ZCWPW2: variants seen among roughly 807,000 people sequenced by gnomAD.
ZCWPW2 encodes the protein zinc finger CW-type PWWP domain protein 2.
A neutral mutation model predicts 46.6 loss-of-function variants in ZCWPW2; 45 were observed. The ratio of observed to expected loss-of-function variants is 0.96; its 90% CI spans 0.76 to 1.24. The LOEUF (loss-of-function observed/expected upper bound fraction) is 1.24. Among genes scored for constraint, ZCWPW2 ranks in the 50% most tolerant of loss-of-function variants. ZCWPW2 has a pLI of 0.00. For missense variants in ZCWPW2, 429 were observed against 403.9 expected (o/e 1.06, Z -0.53); for synonymous variants, 152 against 137.1 (o/e 1.11, Z -0.76).
chr3:28,524,530 T>C lies in ZCWPW2; in HGVS notation c.913T>C (p.Ser305Pro). 2 of 1,601,312 alleles carry C rather than the reference T, an allele frequency of 1.2e-6. No homozygotes were observed. The highest frequency in any genetic ancestry group is 1.7e-6 in the Non-Finnish European group (2 of 1,175,584). ...GEEINMGEKL[S>P]KCSPEAPAGS... is the part of the protein sequence containing the mutation. ...TAATTATATGGTTGTTTTGCAGTTA[T>C]CTAAATGCAGCCCAGAAGCTCCTGC... Residue 305 changes from serine (S) to proline (P), a missense_variant, in exon 10 of 10, where the codon TCT (serine) becomes CCT (proline). Physicochemically the swap from Ser to Pro is moderately conservative, Grantham distance 74 (BLOSUM62 -1). Coordinates refer to ENST00000383768, the MANE Select transcript of ZCWPW2 (RefSeq NM_001040432.4).
At chr3:28,447,857 C>A in intron 4 of ZCWPW2, 1 of 1,034,424 alleles carries the variant, frequency 9.7e-7, no homozygotes, top group Non-Finnish European at 1.5e-6. Flanking sequence ...ACCAAATCTG[C>A]ATGTGGTGTG....
At chr3:28,466,398 C>G (rs925355268) in intron 4 of ZCWPW2, among the ~76,000 whole-genome samples, 1 of 152,146 alleles carries the variant, frequency 6.6e-6, no homozygotes, top group Non-Finnish European at 1.5e-5. Context: ...GACTAAAATT[C>G]TCATTTATAA....
intron 4 of ZCWPW2, among the ~76,000 whole-genome samples, chr3:28,454,006 G>A (rs943555581): frequency 1.1e-4 from 17 of 151,402 alleles, no homozygotes; most frequent in African/African-American, 2.7e-4. Context: ...CACCACGCCC[G>A]GCTAATTTTT....
intron 1 of ZCWPW2, among the ~76,000 whole-genome samples, chr3:28,361,559 T>C (rs1704945835): frequency 6.6e-6 from 1 of 151,916 alleles, no homozygotes; most frequent in Non-Finnish European, 1.5e-5. Context: ...CTAAAAAGTA[T>C]CTTCACAGCA....
chr3:28,525,081 A>G lies in ZCWPW2; in HGVS notation c.*393A>G, dbSNP rs1256223423. On this transcript the variant is annotated 3_prime_UTR_variant, in exon 10 of 10. Transcript: ENST00000383768. ...GAGGTAATTCAAATCTAATAAACTT[A>G]GAGAATGTATATTTGCAGTGGAATC... The G allele has an allele frequency of 2.0e-5, 3 of 152,676 alleles. No homozygotes were observed. Among genetic ancestry groups the G allele is most frequent in the Admixed American group, 1.3e-4 (2 of 15,268 alleles). 9.5% of individuals were successfully genotyped at this position (152,676 alleles called of 1,614,324 possible). A position where few individuals can be genotyped will look rare whatever the true frequency, so the allele number is the denominator to read the frequency against.
intron 6 of ZCWPW2, among the ~76,000 whole-genome samples, chr3:28,498,238 CGTGTGTGTGTGT>C (rs56760870): frequency 2.1e-5 from 3 of 145,486 alleles, no homozygotes; most frequent in Non-Finnish European, 3.0e-5. Context: ...TACATATATA[CGTGTGTGTGTGT>C]GTGTGTGTGT....
chr3:28,521,186 G>A, intron 9 of ZCWPW2, 70 bp downstream of exon 9: 1 of 1,485,538 alleles, frequency 6.7e-7, no homozygotes, highest in Non-Finnish European at 8.9e-7. Flanking sequence ...ATTGTTCCTA[G>A]TTGTACATTT....
At chr3:28,519,974 G>T (rs1700678042) in intron 8 of ZCWPW2, among the ~76,000 whole-genome samples, 1 of 151,156 alleles carries the variant, frequency 6.6e-6, no homozygotes, top group Non-Finnish European at 1.5e-5. Flanking sequence ...TCTCAGCAAG[G>T]TCAATGAATT....
intron 3 of ZCWPW2, chr3:28,428,579 A>G (rs553889179): frequency 2.0e-5 from 3 of 152,324 alleles, no homozygotes; most frequent in African/African-American, 7.2e-5. Context: ...TTATTAGTTT[A>G]CATTGTTCTG....
intron 3 of ZCWPW2, among the ~76,000 whole-genome samples, chr3:28,413,643 G>C (rs562529877): frequency 2.6e-5 from 4 of 151,980 alleles, no homozygotes; most frequent in Admixed American, 6.6e-5. Flanking sequence ...TCTCCAAGTA[G>C]TGTTGTAGCT....
intron 4 of ZCWPW2, among the ~76,000 whole-genome samples, chr3:28,458,927 G>C (rs1209898139): frequency 6.6e-6 from 1 of 152,134 alleles, no homozygotes; most frequent in Non-Finnish European, 1.5e-5. Context: ...TTTTAACATA[G>C]CAGTAACTGG....
chr3:28,413,002 C>A, intron 2 of ZCWPW2, 54 bp from the exon 3 acceptor site: 1 of 1,415,860 alleles, frequency 7.1e-7, no homozygotes, highest in Non-Finnish European at 9.5e-7. Context: ...TGAATTTTCT[C>A]TCCTTATACT....
intron 2 of ZCWPW2, among the ~76,000 whole-genome samples, chr3:28,390,945 T>C (rs1260262849): frequency 2.6e-5 from 4 of 152,168 alleles, no homozygotes; most frequent in Admixed American, 6.5e-5. Flanking sequence ...TGCTGTCTTT[T>C]GTTTTAAAGA....
intron 3 of ZCWPW2, among the ~76,000 whole-genome samples, chr3:28,432,575 T>C (rs1186748070): frequency 6.6e-6 from 1 of 152,210 alleles, no homozygotes; most frequent in Non-Finnish European, 1.5e-5. Context: ...GGTCAGAGTG[T>C]AGAATGATTG....
chr3:28,468,833 C>T (rs991690286), intron 4 of ZCWPW2, among the ~76,000 whole-genome samples: 1 of 152,088 alleles, frequency 6.6e-6, no homozygotes, highest in African/African-American at 2.4e-5. Context: ...GTACTTCAAT[C>T]AGAAAGAAAA....
chr3:28,522,768 C>CA (rs1039840267), intron 9 of ZCWPW2, among the ~76,000 whole-genome samples: 7 of 149,582 alleles, frequency 4.7e-5, no homozygotes, highest in Admixed American at 1.3e-4. Context: ...GGTTCCTTTC[C>CA]AAAAAAAAAG....
At chr3:28,461,233 A>T (rs1193139392) in intron 4 of ZCWPW2, 1 of 158,574 alleles carries the variant, frequency 6.3e-6, no homozygotes, top group African/African-American at 2.4e-5. Flanking sequence ...AGATGTTGTC[A>T]TTGTACCTAG....
chr3:28,458,684 C>A (rs548156546), intron 4 of ZCWPW2, among the ~76,000 whole-genome samples: 10 of 152,262 alleles, frequency 6.6e-5, no homozygotes, highest in African/African-American at 1.7e-4. Flanking sequence ...ATAAGCATAC[C>A]AAATTCATAA....
At chr3:28,509,599 T>A (rs1255581330) in intron 6 of ZCWPW2, among the ~76,000 whole-genome samples, 2 of 152,184 alleles carry the variant, frequency 1.3e-5, no homozygotes, top group African/African-American at 4.8e-5. Context: ...TAAGCATCTT[T>A]TTGTGTGCTT....
Sources: allele counts gnomAD v4.1 joint callset (sites outside exome capture counted in the v4.1 genomes callset), GRCh38; gene constraint gnomAD v4.1.1; transcripts MANE v1.5; gene names NCBI Gene and HGNC (gene_info 2026-07-23, HGNC 2026-07-21).